The following HTR2C variants were observed in gnomAD, a reference collection of about 807,000 sequenced individuals.
The protein encoded by HTR2C is 5-hydroxytryptamine (serotonin) receptor 2C, G protein-coupled.
In HTR2C, 5 loss-of-function variants were observed where a neutral mutation model predicts 21.0. That is an observed-to-expected ratio of 0.24 (90% CI 0.12 to 0.50). The LOEUF (loss-of-function observed/expected upper bound fraction) is 0.50. Ranked by LOEUF, HTR2C falls within the 20% of genes least tolerant of loss-of-function variation. HTR2C has a pLI of 0.98. For synonymous variants in HTR2C, 150 were observed against 145.3 expected, an observed-to-expected ratio of 1.03 and a Z score of -0.23; for missense variants, 271 against 371.2, an observed-to-expected ratio of 0.73 and a Z score of 2.22.
intron 2 of HTR2C, among the ~76,000 whole-genome samples, chrX:114,710,348 C>T (rs1016364093): frequency 1.8e-5 from 2 of 111,186 alleles, no homozygotes; most frequent in Non-Finnish European, 3.8e-5. Context: ...GCTTATTAGA[C>T]ATAGAGATTG....
At chrX:114,806,086 T>C (rs201862229) in intron 4 of HTR2C, among the ~76,000 whole-genome samples, 13 of 33,729 alleles carry the variant, frequency 3.9e-4, no homozygotes, top group African/African-American at 5.4e-4. Flanking sequence ...ACCATATATA[T>C]ACCACATATA....
At chrX:114,740,251 A>G (rs1556425110) in intron 4 of HTR2C, among the ~76,000 whole-genome samples, 1 of 110,157 alleles carries the variant, frequency 9.1e-6, no homozygotes, top group Non-Finnish European at 1.9e-5. Flanking sequence ...AAAATGCAAA[A>G]TAAATGACAC....
chrX:114,623,706 A>G (rs782357754), intron 2 of HTR2C, among the ~76,000 whole-genome samples: 4 of 111,059 alleles, frequency 3.6e-5, no homozygotes, highest in Admixed American at 1.9e-4. Flanking sequence ...AATATTCAGC[A>G]TACACATCAA....
At chrX:114,886,476 TTTTAA>T (rs1569502505) in intron 5 of HTR2C, among the ~76,000 whole-genome samples, 1 of 110,892 alleles carries the variant, frequency 9.0e-6, no homozygotes, top group Admixed American at 9.7e-5. Context: ...TAATGTAGCA[TTTTAA>T]TTTATTTAAT....
intron 1 of HTR2C, among the ~76,000 whole-genome samples, chrX:114,598,099 C>G (rs1400312156): frequency 9.0e-6 from 1 of 111,566 alleles, no homozygotes; most frequent in African/African-American, 3.3e-5. Context: ...TATATGAGCT[C>G]TACACAAAGG....
chrX:114,748,213 G>A (rs1030725187), intron 4 of HTR2C, among the ~76,000 whole-genome samples: 1 of 111,678 alleles, frequency 9.0e-6, no homozygotes, highest in Non-Finnish European at 1.9e-5. Flanking sequence ...ACCAAATTAT[G>A]TGCAGGAGCT....
intron 2 of HTR2C, among the ~76,000 whole-genome samples, chrX:114,724,645 G>GCA (rs1556421453): frequency 4.0e-5 from 4 of 100,339 alleles, no homozygotes; most frequent in Non-Finnish European, 4.0e-5. Flanking sequence ...ATTTTGCAAT[G>GCA]GCTGGTACCA....
At chrX:114,585,329 G>A (rs1363591058) in intron 1 of HTR2C, among the ~76,000 whole-genome samples, 2 of 111,536 alleles carry the variant, frequency 1.8e-5, no homozygotes, top group Non-Finnish European at 3.8e-5. Flanking sequence ...GATCACGTAA[G>A]CTTAAGAGGA....
At chrX:114,831,200 T>C (rs1307763944) in intron 4 of HTR2C, among the ~76,000 whole-genome samples, 1 of 98,276 alleles carries the variant, frequency 1.0e-5, no homozygotes, top group Non-Finnish European at 2.1e-5. Flanking sequence ...TAGAGTTCTT[T>C]GGGTATATAC....
chrX:114,751,244 G>A (rs1439950411), intron 4 of HTR2C, among the ~76,000 whole-genome samples: 1 of 37,706 alleles, frequency 2.7e-5, no homozygotes, highest in East Asian at 0.015. Context: ...AGCACCTACA[G>A]TATACCAAGC....
At chrX:114,763,733 T>C (rs2069906354) in intron 4 of HTR2C, among the ~76,000 whole-genome samples, 1 of 110,520 alleles carries the variant, frequency 9.0e-6, no homozygotes, top group South Asian at 3.9e-4. Context: ...TTTTTCTTTT[T>C]AATGGATAGA....
intron 4 of HTR2C, among the ~76,000 whole-genome samples, chrX:114,847,412 G>C (rs1196767780): frequency 1.4e-5 from 1 of 71,544 alleles, no homozygotes; most frequent in Admixed American, 2.2e-4. Flanking sequence ...ACAGGAAGGG[G>C]AACATCACAC....
At chrX:114,723,365 C>T (rs1471229438) in intron 2 of HTR2C, among the ~76,000 whole-genome samples, 2 of 111,124 alleles carry the variant, frequency 1.8e-5, no homozygotes, top group Non-Finnish European at 3.8e-5. Flanking sequence ...GGTAATATCC[C>T]CTTTGTCATT....
intron 5 of HTR2C, among the ~76,000 whole-genome samples, chrX:114,862,589 TATTA>T (rs1304170143): frequency 4.5e-5 from 5 of 111,009 alleles, no homozygotes; most frequent in Admixed American, 9.6e-5. Context: ...ATTTTAACAA[TATTA>T]ATTCTTTATG....
rs1359338201 is a variant in HTR2C at position 114,685,024 on chromosome X, A to C, written c.-79-41834A>C. On this transcript the variant is annotated intron_variant, in intron 2 of 5. Transcript: ENST00000276198. ...TAGTTTGATGCACTGAAAGGGAAAC[A>C]AGAGCAGTAATACAATTTGTATACT... 4.5e-5 allele frequency among the ~76,000 whole-genome samples: 5 copies of C among 110,519 alleles called. No individual in the cohort carries two copies. In the East Asian group the frequency reaches 8.5e-4, roughly 19 times the overall value.
intron 5 of HTR2C, among the ~76,000 whole-genome samples, chrX:114,875,356 G>T (rs1485103790): frequency 1.8e-5 from 2 of 111,435 alleles, no homozygotes; most frequent in African/African-American, 3.3e-5. Flanking sequence ...CATGCCATAG[G>T]TTGCCTTTTA....
chrX:114,761,981 GTATA>G (rs1481058158), intron 4 of HTR2C, among the ~76,000 whole-genome samples: 1 of 9,146 alleles, frequency 1.1e-4, no homozygotes, highest in Non-Finnish European at 2.9e-4. Flanking sequence ...ATATATACGT[GTATA>G]TATACTATAT....
At chrX:114,697,347 T>C (rs1932309890) in intron 2 of HTR2C, among the ~76,000 whole-genome samples, 1 of 112,395 alleles carries the variant, frequency 8.9e-6, no homozygotes, top group African/African-American at 3.2e-5. Context: ...TTCATATTAA[T>C]CCAAACAAAG....
At position 114,644,362 on chromosome X, in the gene HTR2C, A is replaced by AATATAT. The variant is rs782451317; in HGVS notation, c.-80+30522_-80+30527dup. Among the ~76,000 whole-genome samples the AATATAT allele has an allele frequency of 5.2e-3, 199 of 38,151 alleles. 3 individuals are homozygous for AATATAT. Among genetic ancestry groups the AATATAT allele is most frequent in the Non-Finnish European group, 6.1e-3 (140 of 23,097 alleles). The allele number at this position is 38,151 out of a possible 115,157, so 33.1% of individuals were successfully genotyped here. A position where few individuals can be genotyped will look rare whatever the true frequency, so the allele number is the denominator to read the frequency against. On this transcript the variant is annotated intron_variant, in intron 2 of 5. Coordinates refer to ENST00000276198, the MANE Select transcript of HTR2C (RefSeq NM_000868.4). ...TCCATCTAAAATAAATAAATAAATA[A>AATATAT]ATATATATATATATATATATATATA...
Sources: allele counts gnomAD v4.1 joint callset (sites outside exome capture counted in the v4.1 genomes callset), GRCh38; gene constraint gnomAD v4.1.1; transcripts MANE v1.5; gene names NCBI Gene and HGNC (gene_info 2026-07-23, HGNC 2026-07-21).